ATG2A: variants seen among roughly 807,000 people sequenced by gnomAD.
ATG2A encodes autophagy related 2A.
Under a neutral mutation model 214.2 loss-of-function variants are expected in ATG2A, and 103 were observed. That is an observed-to-expected ratio of 0.48 (90% CI 0.41 to 0.57). The LOEUF (loss-of-function observed/expected upper bound fraction) is 0.57. ATG2A is among the 20% of genes least tolerant of loss of function. ATG2A has a pLI of 0.00. For missense variants in ATG2A, 2,312 were observed against 2,613.2 expected (o/e 0.88, Z 2.51); for synonymous variants, 1,160 against 1,142.1 (o/e 1.02, Z -0.32).
chr11:64,913,926 G>A lies in ATG2A; in HGVS notation c.488-3C>T. 1 of 1,613,560 alleles carries A rather than the reference G, an allele frequency of 6.2e-7. No homozygotes were observed. Among genetic ancestry groups the A allele is most frequent in the East Asian group, 2.2e-5 (1 of 44,848 alleles). ...GGTCACTTTGATCCTCCGAAGCACT[G>A]AGGAGTTGGGGAGGGGTCTCAGGTC... On this transcript the variant is annotated splice_polypyrimidine_tract_variant and splice_region_variant and intron_variant, in intron 3 of 40. Transcript: ENST00000377264. This position sits in a 1 kb window ranked among gnomAD's most constrained non-coding sequence, Gnocchi z 4.3.
chr11:64,909,635 G>A, intron 14 of ATG2A, 46 bp downstream of exon 14: 1 of 1,596,550 alleles, frequency 6.3e-7, no homozygotes, highest in Non-Finnish European at 8.5e-7. Context: ...ATCTCTCCCA[G>A]AAGCCAGGCC....
rs1384848403 is a variant in ATG2A, at chr11:64,897,856, C to T, written c.4977G>A (p.Gln1659=). ...CAGCCTACCTGAAGTAGATGGGCTGCTGGTCAGGAGGGGAGGGGCTGTGTC... is the reference window on the plus strand; with the variant it reads ...CAGCCTACCTGAAGTAGATGGGCTGTTGGTCAGGAGGGGAGGGGCTGTGTC... The part of the protein sequence containing the change: ...GGGHSPSPPD[Q]QPIYFREFRF... The change falls in exon 35 of 41, where the codon CAG becomes CAA. Residue 1659 remains glutamine (Q), a synonymous_variant. Transcript: ENST00000377264. 6.2e-7 allele frequency: 1 copy of T among 1,602,950 alleles called. No homozygotes were observed. Among genetic ancestry groups the T allele is most frequent in the Non-Finnish European group, 8.5e-7 (1 of 1,173,588 alleles).
chr11:64,913,786 T>G lies in ATG2A; in HGVS notation c.590+35A>C. ...ATCCAGCAGCCCCCACTCCCCATCT[T>G]CACACCAGTCCACCCCAGATCGGCC... On this transcript the variant is annotated intron_variant, in intron 4 of 40. Coordinates refer to ENST00000377264, the MANE Select transcript of ATG2A (RefSeq NM_015104.3). The surrounding 1 kb of genome is among the most constrained non-coding windows in gnomAD (Gnocchi z 4.3). The G allele has an allele frequency of 6.3e-7, 1 of 1,599,966 alleles. No individual in the cohort carries two copies. Among genetic ancestry groups the G allele is most frequent in the Non-Finnish European group, 8.5e-7 (1 of 1,172,452 alleles).
Position 64,898,842 on chromosome 11 carries a change from C to A in ATG2A, c.4465G>T (p.Val1489Leu). The change falls in exon 32 of 41, where the codon GTA becomes TTA. Residue 1489 changes from valine (V) to leucine (L), a missense_variant and splice_region_variant. Val to Leu is a conservative substitution (Grantham distance 32). Coordinates refer to ENST00000377264, the MANE Select transcript of ATG2A (RefSeq NM_015104.3). The surrounding 1 kb of genome is among the most constrained non-coding windows in gnomAD (Gnocchi z 4.5). ...HVLMEIQLSK[V>L]SFQHEVYPAE... ...GGGTACACCTCGTGCTGGAAGCTTA[C>A]CTGTGGGGTGGACAGAGGCCTGGCC... The A allele has an allele frequency of 6.2e-7, 1 of 1,607,804 alleles. No individual in the cohort carries two copies.
At chr11:64,909,392 G>A (rs762981792) in intron 14 of ATG2A, 25 bp from the exon 15 acceptor site, 21 of 1,600,058 alleles carry the variant, frequency 1.3e-5, no homozygotes, top group Non-Finnish European at 1.7e-5. Flanking sequence ...GGAATTAGGG[G>A]GGTCATCACT....
rs956003175 is a variant in ATG2A at position 64,894,733 on chromosome 11, C to A, written c.*240G>T. ...TCCTGGGAGAAGGCAGCAGTGTGGG[C>A]CCAGGTCGGGGGAGGGGCAGTGTCC... On this transcript the variant is annotated 3_prime_UTR_variant, in exon 41 of 41. Transcript: ENST00000377264. 7.1e-6 allele frequency: 5 copies of A among 701,770 alleles called. No homozygotes were observed. Among genetic ancestry groups the A allele is most frequent in the Non-Finnish European group, 1.3e-5 (5 of 385,892 alleles). The allele number at this position is 701,770 out of a possible 1,614,324, so 43.5% of individuals were successfully genotyped here.
chr11:64,906,938 C>T, intron 19 of ATG2A, 123 bp from the exon 20 acceptor site: 1 of 1,218,238 alleles, frequency 8.2e-7, no homozygotes, highest in Non-Finnish European at 1.1e-6. Context: ...ACCATGGACG[C>T]TGCTGGAGGC....
In ATG2A at chr11:64,897,952, C is replaced by T; in HGVS notation, c.4881G>A (p.Gln1627=). The change falls in exon 35 of 41, where the codon CAG becomes CAA. Residue 1627 remains glutamine (Q), a synonymous_variant. Transcript: ENST00000377264. Reference sequence around the variant, plus strand: ...CCTGCCCTTCCAGGGGGCTGCTGGGCTGGGCTCGAGTCTCGGGGCGAGCTA... The same window carrying T: ...CCTGCCCTTCCAGGGGGCTGCTGGGTTGGGCTCGAGTCTCGGGGCGAGCTA... ...SAEARPETRA[Q]PSSPLEGQAE... is the part of the protein sequence containing the mutation. 1 of 1,550,652 alleles carries T rather than the reference C, an allele frequency of 6.4e-7. No homozygotes were observed. Among genetic ancestry groups the T allele is most frequent in the Non-Finnish European group, 8.7e-7 (1 of 1,150,942 alleles).
At chr11:64,896,139 T>G (rs903810742) in intron 39 of ATG2A, among the ~76,000 whole-genome samples, 15 of 152,228 alleles carry the variant, frequency 9.9e-5, no homozygotes, top group African/African-American at 3.6e-4. Context: ...GGGCAGCCTC[T>G]GCGCCTCAGA....
chr11:64,913,757 G>GA lies in ATG2A; in HGVS notation c.590+63dup, dbSNP rs1467810557. 2.7e-6 allele frequency: 4 copies of GA among 1,505,380 alleles called. No individual in the cohort carries two copies. In the East Asian group the frequency reaches 6.8e-5, roughly 26 times the overall value. 93.3% of individuals were successfully genotyped at this position (1,505,380 alleles called of 1,614,324 possible). A position where few individuals can be genotyped will look rare whatever the true frequency, so the allele number is the denominator to read the frequency against. The stretch of plus-strand genomic sequence containing the variant: ...CCCAGGAACCTAGGCTGCGGGTGGG[G>GA]ACCATCCAGCAGCCCCCACTCCCCA... On this transcript the variant is annotated intron_variant, in intron 4 of 40. Coordinates refer to ENST00000377264, the MANE Select transcript of ATG2A (RefSeq NM_015104.3). The surrounding 1 kb of genome is among the most constrained non-coding windows in gnomAD (Gnocchi z 4.3).
intron 1 of ATG2A, among the ~76,000 whole-genome samples, chr11:64,915,295 G>C (rs1197389532): frequency 6.6e-6 from 1 of 152,120 alleles, no homozygotes; most frequent in African/African-American, 2.4e-5. Flanking sequence ...GTCACCCCAG[G>C]TGCCACCCAG....
Position 64,911,256 on chromosome 11 carries a change from G to A in ATG2A, c.1248C>T (p.Pro416=), listed in dbSNP as rs746961807. The A allele has an allele frequency of 1.2e-6, 2 of 1,613,688 alleles. No homozygotes were observed. The highest frequency in any genetic ancestry group is 1.7e-6 in the Non-Finnish European group (2 of 1,180,038). The change falls in exon 10 of 41, where the codon CCC becomes CCT. Residue 416 remains proline, a synonymous_variant. Coordinates refer to ENST00000377264, the MANE Select transcript of ATG2A (RefSeq NM_015104.3). The part of the protein sequence containing the change: ...AHPAGKMAPN[P]LLDTMRPDSL... ...AGTCAGGGCGCATGGTGTCCAGGAG[G>A]GGGTTGGGGGCCATCTTGCCTGAGG... is the stretch of plus-strand genomic sequence containing the variant.
In ATG2A at chr11:64,906,439, T is replaced by C. The variant is rs1446412180; in HGVS notation, c.3078A>G (p.Glu1026=). The C allele has an allele frequency of 5.6e-6, 9 of 1,613,052 alleles. No homozygotes were observed. In the African/African-American group the frequency reaches 1.1e-4, roughly 19 times the overall value. ...QLAPTIYPSE[E]GVTERGASGR... ...CCGAGGCTCCCCGCTCGGTCACCCCTTCCTCCGATGGGTAGATGGTTGGGG... is the reference window on the plus strand; with the variant it reads ...CCGAGGCTCCCCGCTCGGTCACCCCCTCCTCCGATGGGTAGATGGTTGGGG... The change falls in exon 21 of 41, where the codon GAA becomes GAG. Residue 1026 remains glutamate (E), a synonymous_variant. Transcript: ENST00000377264.
At chr11:64,901,897 G>A in intron 29 of ATG2A, 65 bp downstream of exon 29, 2 of 1,572,338 alleles carry the variant, frequency 1.3e-6, no homozygotes, top group Non-Finnish European at 1.7e-6. Context: ...ACCCCTGAGT[G>A]TTCCGTCCCC....
chr11:64,902,824 C>G (rs908334513), intron 26 of ATG2A, 144 bp from the exon 27 acceptor site: 4 of 697,110 alleles, frequency 5.7e-6, no homozygotes, highest in East Asian at 2.7e-5. Context: ...GATGACCTGC[C>G]CAGTAACTCC....
At chr11:64,897,591 C>T in intron 36 of ATG2A, 80 bp downstream of exon 36, 1 of 1,609,134 alleles carries the variant, frequency 6.2e-7, no homozygotes, top group Non-Finnish European at 8.5e-7. Flanking sequence ...CTAACAGTGC[C>T]TGGATGCAAG....
chr11:64,902,767 G>T (rs1279587602), intron 26 of ATG2A, 87 bp from the exon 27 acceptor site: 3 of 1,263,816 alleles, frequency 2.4e-6, no homozygotes, highest in Non-Finnish European at 1.1e-6. Flanking sequence ...GGGCACCGCA[G>T]TTCTGATCCT....
Position 64,914,000 on chromosome 11 carries a change from T to C in ATG2A, c.488-77A>G, listed in dbSNP as rs1271828247. Reference sequence around the variant, plus strand: ...AGAATTTCCCATCTGGGCACCAGGGTGGCCGTGCCGTTGTCTGGAGCCCCT... The same window carrying C: ...AGAATTTCCCATCTGGGCACCAGGGCGGCCGTGCCGTTGTCTGGAGCCCCT... On this transcript the variant is annotated intron_variant, in intron 3 of 40. Coordinates refer to ENST00000377264, the MANE Select transcript of ATG2A (RefSeq NM_015104.3). The surrounding 1 kb of genome is among the most constrained non-coding windows in gnomAD (Gnocchi z 4.3). The C allele has an allele frequency of 1.9e-6, 3 of 1,568,992 alleles. No individual in the cohort carries two copies. Among genetic ancestry groups the C allele is most frequent in the Non-Finnish European group, 2.6e-6 (3 of 1,156,218 alleles).
rs1237606131 is a variant in ATG2A, at chr11:64,909,280, A to G, written c.2195T>C (p.Phe732Ser). 2.5e-6 allele frequency: 4 copies of G among 1,613,502 alleles called. No individual in the cohort carries two copies. The highest frequency in any genetic ancestry group is 3.4e-6 in the Non-Finnish European group (4 of 1,179,968). The change falls in exon 15 of 41, where the codon TTC becomes TCC. Residue 732 changes from phenylalanine to serine, a missense_variant. Physicochemically the swap from Phe to Ser is radical, Grantham distance 155. Coordinates refer to ENST00000377264, the MANE Select transcript of ATG2A (RefSeq NM_015104.3). ...LDPKSTGRKY[F>S]LPQVVVTVNP... ...CAGAGCCCCTACTTACTGGGGCAGG[A>G]AGTACTTGCGCCCAGTGCTCTTGGG...
Sources: allele counts gnomAD v4.1 joint callset (sites outside exome capture counted in the v4.1 genomes callset), GRCh38; gene constraint gnomAD v4.1.1; non-coding constraint Gnocchi (gnomAD v3.1); transcripts MANE v1.5; gene names NCBI Gene and HGNC (gene_info 2026-07-23, HGNC 2026-07-21).